ARHGAP15: variants seen among roughly 807,000 people sequenced by gnomAD.
ARHGAP15 encodes the protein Rho GTPase activating protein 15.
Under a neutral mutation model 63.7 loss-of-function variants are expected in ARHGAP15, and 51 were observed. The ratio of observed to expected loss-of-function variants is 0.80; its 90% confidence interval spans 0.64 to 1.01. The LOEUF (loss-of-function observed/expected upper bound fraction) is 1.01. ARHGAP15 is among the 50% of genes least tolerant of loss of function. The pLI is 0.00. For missense variants in ARHGAP15, 560 were observed against 564.6 expected (o/e 0.99, Z 0.08); for synonymous variants, 191 against 193.8 (o/e 0.99, Z 0.12).
In ARHGAP15 at chr2:143,624,185, C is replaced by T. The variant is rs149563619; in HGVS notation, c.1056C>T (p.Thr352=). The stretch of plus-strand genomic sequence containing the variant: ...AGTGGGAGGACATCCACGTTGTCAC[C>T]GGAGCACTGAAGATGTTTTTCCGGG... ...DSQWEDIHVV[T]GALKMFFREL... is the part of the protein sequence containing the mutation. Residue 352 remains threonine, a synonymous_variant, in exon 12 of 14, where the codon ACC becomes ACT. Coordinates refer to ENST00000295095, the MANE Select transcript of ARHGAP15 (RefSeq NM_018460.4). The T allele has an allele frequency of 1.6e-5, 26 of 1,613,390 alleles. No individual in the cohort carries two copies. The highest frequency in any genetic ancestry group is 6.7e-5 in the African/African-American group (5 of 74,834).
intron 6 of ARHGAP15, among the ~76,000 whole-genome samples, chr2:143,261,182 A>C (rs1680696560): frequency 6.6e-6 from 1 of 152,170 alleles, no homozygotes; most frequent in Non-Finnish European, 1.5e-5. Context: ...CAGGAGGATC[A>C]TTCATATACT....
At chr2:143,690,126 G>A (rs1277242632) in intron 12 of ARHGAP15, among the ~76,000 whole-genome samples, 1 of 152,184 alleles carries the variant, frequency 6.6e-6, no homozygotes, top group Admixed American at 6.5e-5. Flanking sequence ...CTGCTTTCAG[G>A]AAGGCAGACT....
chr2:143,414,707 G>T (rs772973990), intron 6 of ARHGAP15, among the ~76,000 whole-genome samples: 4 of 152,202 alleles, frequency 2.6e-5, no homozygotes, highest in African/African-American at 9.6e-5. Context: ...GCGAAGGCAG[G>T]TGGATCACTT....
At chr2:143,144,205 A>G (rs1216998304) in intron 1 of ARHGAP15, among the ~76,000 whole-genome samples, 1 of 152,034 alleles carries the variant, frequency 6.6e-6, no homozygotes, top group East Asian at 1.9e-4. Context: ...TGATACTGTG[A>G]ATAGTTGCCT....
intron 11 of ARHGAP15, among the ~76,000 whole-genome samples, chr2:143,612,387 GT>G (rs1228983527): frequency 6.6e-6 from 1 of 152,182 alleles, no homozygotes; most frequent in Non-Finnish European, 1.5e-5. Context: ...CTCTGTTTCA[GT>G]TAAAACTGAG....
At chr2:143,402,586 T>A (rs893753897) in intron 6 of ARHGAP15, among the ~76,000 whole-genome samples, 4 of 17,918 alleles carry the variant, frequency 2.2e-4, no homozygotes, top group Non-Finnish European at 2.3e-4. Context: ...GAAGGGGGGG[T>A]GGGTGGGGAC....
intron 12 of ARHGAP15, among the ~76,000 whole-genome samples, chr2:143,696,800 G>A (rs1183718041): frequency 6.6e-6 from 1 of 152,152 alleles, no homozygotes; most frequent in Non-Finnish European, 1.5e-5. Flanking sequence ...GAGGTGATCA[G>A]TTCCAACTCT....
At chr2:143,371,937 T>C (rs1040963409) in intron 6 of ARHGAP15, among the ~76,000 whole-genome samples, 10 of 151,986 alleles carry the variant, frequency 6.6e-5, no homozygotes, top group Admixed American at 2.6e-4. Flanking sequence ...CTTTCAAGAA[T>C]AGGAAATCTT....
At chr2:143,631,640 C>CAAAAAAATTGGCTAT (rs1334334328) in intron 12 of ARHGAP15, among the ~76,000 whole-genome samples, 1 of 151,822 alleles carries the variant, frequency 6.6e-6, no homozygotes, top group Non-Finnish European at 1.5e-5. Context: ...CCTACTTTTT[C>CAAAAAAATTGGCTAT]AAAAAAATTG....
intron 2 of ARHGAP15, among the ~76,000 whole-genome samples, chr2:143,188,112 C>G (rs1396003945): frequency 6.6e-6 from 1 of 151,848 alleles, no homozygotes; most frequent in Non-Finnish European, 1.5e-5. Context: ...TACTGTTTTC[C>G]CTGATTTATC....
At chr2:143,373,380 G>A (rs992543149) in intron 6 of ARHGAP15, among the ~76,000 whole-genome samples, 9 of 151,798 alleles carry the variant, frequency 5.9e-5, no homozygotes, top group African/African-American at 9.7e-5. Context: ...CCTGTAATCC[G>A]AGCACTTTGG....
At chr2:143,453,020 G>C (rs772302241) in intron 8 of ARHGAP15, among the ~76,000 whole-genome samples, 3 of 151,890 alleles carry the variant, frequency 2.0e-5, no homozygotes, top group African/African-American at 7.2e-5. Flanking sequence ...GCATGGTATA[G>C]ATATGGTAAA....
chr2:143,475,156 A>T (rs1000918350), intron 8 of ARHGAP15, among the ~76,000 whole-genome samples: 5 of 152,308 alleles, frequency 3.3e-5, no homozygotes, highest in African/African-American at 1.2e-4. Flanking sequence ...TTAGAAATGT[A>T]TGTTATGAAT....
At chr2:143,144,969 G>A (rs1689519624) in intron 1 of ARHGAP15, among the ~76,000 whole-genome samples, 1 of 151,958 alleles carries the variant, frequency 6.6e-6, no homozygotes, top group Non-Finnish European at 1.5e-5. Context: ...ATCCCTTAGG[G>A]GTTATGACCA....
In ARHGAP15 at chr2:143,234,398, T is replaced by A. The variant is rs555459078; in HGVS notation, c.384+5730T>A. 6.4e-4 allele frequency among the ~76,000 whole-genome samples: 98 copies of A among 152,300 alleles called. No individual in the cohort carries two copies. In the South Asian group the frequency reaches 0.019, roughly 30 times the overall value. ...GTTATCTTTGACTGTGTGCTAATCA[T>A]TGTTATTGAAATATTATCATGGGAG... On this transcript the variant is annotated intron_variant, in intron 5 of 13. Transcript: ENST00000295095.
At chr2:143,688,158 T>G (rs555891381) in intron 12 of ARHGAP15, among the ~76,000 whole-genome samples, 2 of 152,278 alleles carry the variant, frequency 1.3e-5, no homozygotes, top group African/African-American at 4.8e-5. Flanking sequence ...TAATACCTAA[T>G]TGCTTGATTT....
intron 12 of ARHGAP15, among the ~76,000 whole-genome samples, chr2:143,681,310 C>T (rs1683090334): frequency 6.6e-6 from 1 of 152,050 alleles, no homozygotes. Flanking sequence ...AAATAGAATC[C>T]CTGGGCCTTT....
intron 11 of ARHGAP15, among the ~76,000 whole-genome samples, chr2:143,583,731 GACAA>G (rs1205911204): frequency 2.0e-5 from 3 of 152,178 alleles, no homozygotes; most frequent in African/African-American, 7.2e-5. Flanking sequence ...CTTGTGAACT[GACAA>G]ACAACTACTT....
intron 6 of ARHGAP15, among the ~76,000 whole-genome samples, chr2:143,422,396 G>C (rs1163533404): frequency 6.6e-6 from 1 of 152,064 alleles, no homozygotes; most frequent in Non-Finnish European, 1.5e-5. Context: ...TAATGGCAAT[G>C]GAACCATCTT....
Sources: allele counts gnomAD v4.1 joint callset (sites outside exome capture counted in the v4.1 genomes callset), GRCh38; gene constraint gnomAD v4.1.1; transcripts MANE v1.5; gene names NCBI Gene and HGNC (gene_info 2026-07-23, HGNC 2026-07-21).